Variants in ADAMTS3 observed in about 807,000 individuals in gnomAD.
ADAMTS3 encodes ADAM metallopeptidase with thrombospondin type 1 motif 3.
ADAMTS3 carries 73 observed loss-of-function variants against 129.0 expected under a neutral mutation model. The observed-to-expected ratio is 0.57, with a 90% CI of 0.47 to 0.69. ADAMTS3 has a LOEUF of 0.69. Among genes scored for constraint, ADAMTS3 ranks in the 30% least tolerant of loss-of-function variants. The pLI, the probability that ADAMTS3 is intolerant of heterozygous loss-of-function variation, is 0.00. For synonymous variants in ADAMTS3, 477 were observed against 510.8 expected, an observed-to-expected ratio of 0.93 and a Z score of 0.89; for missense variants, 1,457 against 1,514.5, an observed-to-expected ratio of 0.96 and a Z score of 0.63.
intron 3 of ADAMTS3, among the ~76,000 whole-genome samples, chr4:72,510,485 A>T (rs1720283689): frequency 6.6e-6 from 1 of 152,106 alleles, no homozygotes; most frequent in Non-Finnish European, 1.5e-5. Context: ...AACAGTGAAC[A>T]ATCTGAAAAG....
chr4:72,476,237 G>A (rs1296999201), intron 3 of ADAMTS3, among the ~76,000 whole-genome samples: 1 of 151,874 alleles, frequency 6.6e-6, no homozygotes, highest in Admixed American at 6.6e-5. Context: ...TAGCAAGACT[G>A]ACAAAGAAGA....
intron 3 of ADAMTS3, among the ~76,000 whole-genome samples, chr4:72,517,746 G>A (rs1361969848): frequency 6.6e-6 from 1 of 150,676 alleles, no homozygotes; most frequent in Non-Finnish European, 1.5e-5. Flanking sequence ...TATTAGTCTT[G>A]CTAGTGGTCT....
Position 72,548,529 on chromosome 4 carries a change from G to A in ADAMTS3, c.453C>T (p.Asp151=). ...CAGAGGTTCCTGGAATGTCCACGATGTCACCAACATAAGCACAGTTAGTCT... is the reference window on the plus strand; with the variant it reads ...CAGAGGTTCCTGGAATGTCCACGATATCACCAACATAAGCACAGTTAGTCT... ...PLQTNCAYVG[D]IVDIPGTSVA... The change falls in exon 3 of 22, where the codon GAC becomes GAT. Residue 151 remains aspartate, a synonymous_variant. Coordinates refer to ENST00000286657, the MANE Select transcript of ADAMTS3 (RefSeq NM_014243.3). The A allele has an allele frequency of 6.2e-7, 1 of 1,613,870 alleles. No individual in the cohort carries two copies. The highest frequency in any genetic ancestry group is 8.5e-7 in the Non-Finnish European group (1 of 1,179,860).
At chr4:72,501,019 T>C (rs951466060) in intron 3 of ADAMTS3, among the ~76,000 whole-genome samples, 3 of 152,328 alleles carry the variant, frequency 2.0e-5, no homozygotes, top group South Asian at 4.1e-4. Context: ...ACTGTAGCCT[T>C]ATTGTATAGT....
chr4:72,300,903 TA>T (rs1010403550), intron 17 of ADAMTS3, among the ~76,000 whole-genome samples: 1 of 152,076 alleles, frequency 6.6e-6, no homozygotes, highest in Non-Finnish European at 1.5e-5. Context: ...GGAAGCAGAG[TA>T]ACCCCCAGTC....
chr4:72,311,878 T>C (rs185738910), intron 13 of ADAMTS3, among the ~76,000 whole-genome samples: 1 of 152,252 alleles, frequency 6.6e-6, no homozygotes, highest in East Asian at 1.9e-4. Flanking sequence ...GGTTATAAGG[T>C]ATCTTTTGTT....
At chr4:72,352,233 T>C (rs1309073584) in intron 4 of ADAMTS3, among the ~76,000 whole-genome samples, 2 of 152,056 alleles carry the variant, frequency 1.3e-5, no homozygotes, top group African/African-American at 4.8e-5. Flanking sequence ...TACAGTGGTA[T>C]TGATTTTGTA....
chr4:72,411,182 T>C (rs983655568), intron 4 of ADAMTS3, among the ~76,000 whole-genome samples: 3 of 152,164 alleles, frequency 2.0e-5, no homozygotes, highest in Non-Finnish European at 4.4e-5. Context: ...GAATCCGCTA[T>C]ATATGGGATT....
At chr4:72,297,006 T>C (rs1718827080) in intron 18 of ADAMTS3, among the ~76,000 whole-genome samples, 1 of 152,142 alleles carries the variant, frequency 6.6e-6, no homozygotes, top group South Asian at 2.1e-4. Flanking sequence ...ATTCAAGGGA[T>C]TCATTTTTAG....
intron 18 of ADAMTS3, 69 bp downstream of exon 18, chr4:72,298,208 T>A: frequency 7.4e-7 from 1 of 1,350,188 alleles, no homozygotes; most frequent in Non-Finnish European, 1.0e-6. Flanking sequence ...GAGACAGCAA[T>A]AAAGGTAGAA....
intron 4 of ADAMTS3, among the ~76,000 whole-genome samples, chr4:72,346,003 T>A (rs1720272269): frequency 6.6e-6 from 1 of 152,136 alleles, no homozygotes; most frequent in Non-Finnish European, 1.5e-5. Flanking sequence ...GTATGGTGAT[T>A]CCTGGTTAAT....
intron 4 of ADAMTS3, among the ~76,000 whole-genome samples, chr4:72,404,695 A>G (rs1722007701): frequency 6.6e-6 from 1 of 152,120 alleles, no homozygotes; most frequent in Non-Finnish European, 1.5e-5. Context: ...CAAAGGAAAA[A>G]TTAACAGGGT....
At chr4:72,361,539 G>A (rs533481823) in intron 4 of ADAMTS3, among the ~76,000 whole-genome samples, 3 of 152,194 alleles carry the variant, frequency 2.0e-5, no homozygotes, top group Admixed American at 2.0e-4. Context: ...TTTTATTTCT[G>A]TTTTTGTAAT....
intron 3 of ADAMTS3, among the ~76,000 whole-genome samples, chr4:72,455,566 T>C (rs567443974): frequency 1.3e-5 from 2 of 148,552 alleles, no homozygotes; most frequent in Admixed American, 1.4e-4. Flanking sequence ...GGTACGTGTA[T>C]AGCTATGCAA....
intron 4 of ADAMTS3, among the ~76,000 whole-genome samples, chr4:72,341,386 C>T (rs2109833715): frequency 6.6e-6 from 1 of 152,288 alleles, no homozygotes. Flanking sequence ...ATATAAATAA[C>T]TCTCACCATC....
chr4:72,530,414 A>G (rs1458509524), intron 3 of ADAMTS3, among the ~76,000 whole-genome samples: 1 of 86,298 alleles, frequency 1.2e-5, no homozygotes, highest in Non-Finnish European at 2.0e-5. Context: ...TTTAATATAT[A>G]ATATATATTA....
chr4:72,455,929 T>A (rs1353692261), intron 3 of ADAMTS3, among the ~76,000 whole-genome samples: 1 of 113,964 alleles, frequency 8.8e-6, no homozygotes, highest in Non-Finnish European at 1.7e-5. Context: ...CTATATATAT[T>A]TTATATATAG....
chr4:72,425,044 C>T lies in ADAMTS3; in HGVS notation c.505-10073G>A, dbSNP rs1217224736. On this transcript the variant is annotated intron_variant, in intron 3 of 21. Coordinates refer to ENST00000286657, the MANE Select transcript of ADAMTS3 (RefSeq NM_014243.3). ...AGTCCTATATTTCAAGCTAAAGCTA[C>T]AACAGCATTATAGTTTAACTGATGT... Among the ~76,000 whole-genome samples the T allele has an allele frequency of 3.3e-5, 5 of 152,194 alleles. No individual in the cohort carries two copies. The South Asian group carries it at 8.3e-4, about 25-fold the overall frequency.
At chr4:72,337,936 A>T (rs1324442055) in intron 5 of ADAMTS3, among the ~76,000 whole-genome samples, 1 of 152,170 alleles carries the variant, frequency 6.6e-6, no homozygotes, top group Non-Finnish European at 1.5e-5. Context: ...ATAAGTCTGT[A>T]CTGATTGTCT....
Sources: gnomAD v4.1 joint callset for allele counts (sites outside exome capture counted in the v4.1 genomes callset) on GRCh38, gnomAD v4.1.1 for gene constraint, MANE v1.5 for transcripts, NCBI Gene and HGNC (gene_info 2026-07-23, HGNC 2026-07-21) for gene names.